HYDIN: variants seen among roughly 807,000 people sequenced by gnomAD.
The protein encoded by HYDIN is HYDIN axonemal central pair apparatus protein.
Under a neutral mutation model 403.9 loss-of-function variants are expected in HYDIN, and 132 were observed. The ratio of observed to expected loss-of-function variants is 0.33; its 90% confidence interval spans 0.28 to 0.38. The LOEUF (loss-of-function observed/expected upper bound fraction) is 0.38, where lower values mean the gene tolerates loss of function less well. HYDIN is among the 10% of genes least tolerant of loss of function. The pLI, the probability that HYDIN is intolerant of heterozygous loss-of-function variation, is 1.00. For synonymous variants in HYDIN, 1,202 were observed against 1,891.7 expected, an observed-to-expected ratio of 0.64 and a Z score of 9.46; for missense variants, 2,827 against 5,009.5, an observed-to-expected ratio of 0.56 and a Z score of 13.15.
At chr16:70,931,208 CTGTTTTTTTTTTTTT>C (rs1487710759) in intron 45 of HYDIN, among the ~76,000 whole-genome samples, 1 of 78,244 alleles carries the variant, frequency 1.3e-5, no homozygotes, top group African/African-American at 4.0e-5. Context: ...TCTCTTTCTT[CTGTTTTTTTTTTTTT>C]TTTTTTTTTT....
chr16:71,074,548 G>A (rs2082567072), intron 13 of HYDIN, among the ~76,000 whole-genome samples: 1 of 148,426 alleles, frequency 6.7e-6, no homozygotes, highest in South Asian at 2.2e-4. Flanking sequence ...GCCAGGTGTG[G>A]TGGTATGCAC....
At chr16:71,228,522 GA>G (rs2041139590) in intron 1 of HYDIN, among the ~76,000 whole-genome samples, 1 of 152,162 alleles carries the variant, frequency 6.6e-6, no homozygotes, top group African/African-American at 2.4e-5. Flanking sequence ...CTTCTCAAAA[GA>G]AGACATTTAT....
rs554144133 is a variant in HYDIN, at chr16:71,027,501, A to G, written c.3042+101T>C. The G allele has an allele frequency of 2.7e-5, 41 of 1,540,246 alleles. No individual in the cohort carries two copies. The South Asian group carries it at 4.6e-4, about 17-fold the overall frequency. On this transcript the variant is annotated intron_variant, in intron 20 of 85. Coordinates refer to ENST00000393567, the MANE Select transcript of HYDIN (RefSeq NM_001270974.2). ...TTGTACACAATCCTTGAGAAACCATATCCTTCCTCAGATAAATGTCAAGGG... is the reference window on the plus strand; with the variant it reads ...TTGTACACAATCCTTGAGAAACCATGTCCTTCCTCAGATAAATGTCAAGGG...
At chr16:71,116,444 G>A (rs11075868) in intron 9 of HYDIN, among the ~76,000 whole-genome samples, 201 of 151,046 alleles carry the variant, frequency 1.3e-3, no homozygotes, top group Non-Finnish European at 2.0e-3. Flanking sequence ...TGGACACTTC[G>A]GTTGCTTCCA....
At chr16:70,926,421 T>G in intron 45 of HYDIN, among the ~76,000 whole-genome samples, 7 of 145,564 alleles carry the variant, frequency 4.8e-5, no homozygotes, top group African/African-American at 7.7e-5. Flanking sequence ...TGAGAACACA[T>G]GGACACAGGA....
At position 70,855,192 on chromosome 16, in the gene HYDIN, A is replaced by T. The variant is rs752080404; in HGVS notation, c.12379T>A (p.Ser4127Thr). ...DFSFQDNSRY[S>T]EGFSNSLLVC... ...AGCAGGCTGTTGCTGAAACCTTCAG[A>T]ATAGCGGGAGTTGTCCTGGAAGGAA... The change falls in exon 73 of 86, where the codon TCT becomes ACT. Residue 4127 changes from serine to threonine, a missense_variant. By Grantham distance (58) the Ser-to-Thr change is moderately conservative. Transcript: ENST00000393567. The T allele has an allele frequency of 1.3e-6, 2 of 1,504,076 alleles. No individual in the cohort carries two copies. The highest frequency in any genetic ancestry group is 2.2e-5 in the South Asian group (2 of 89,518). The allele number at this position is 1,504,076 out of a possible 1,614,324, so 93.2% of individuals were successfully genotyped here.
At chr16:70,977,040 C>G (rs2078907918) in intron 30 of HYDIN, among the ~76,000 whole-genome samples, 1 of 152,214 alleles carries the variant, frequency 6.6e-6, no homozygotes, top group African/African-American at 2.4e-5. Context: ...CTGCCCTACT[C>G]AAGGGAACCA....
chr16:71,224,162 A>G (rs1324068242), intron 1 of HYDIN, among the ~76,000 whole-genome samples: 1 of 152,232 alleles, frequency 6.6e-6, no homozygotes, highest in Non-Finnish European at 1.5e-5. Context: ...ATGCAGCTGG[A>G]GGCCATTATT....
chr16:71,001,145 T>G, intron 23 of HYDIN, among the ~76,000 whole-genome samples: 1 of 109,966 alleles, frequency 9.1e-6, no homozygotes, highest in Non-Finnish European at 1.8e-5. Context: ...TGCAAGAGGA[T>G]TAAGAGAAGG....
At chr16:70,979,588 C>T (rs1774305) in intron 29 of HYDIN, among the ~76,000 whole-genome samples, 2 of 152,068 alleles carry the variant, frequency 1.3e-5, no homozygotes, top group South Asian at 2.1e-4. Context: ...CCACTACGCC[C>T]GTGCAAATTC....
intron 17 of HYDIN, among the ~76,000 whole-genome samples, chr16:71,061,642 C>T (rs898209406): frequency 6.6e-6 from 1 of 151,934 alleles, no homozygotes; most frequent in African/African-American, 2.4e-5. Context: ...AGCCATGAGT[C>T]AAGTTAATAT....
chr16:70,976,283 G>T (rs1466725064), intron 30 of HYDIN, among the ~76,000 whole-genome samples: 1 of 152,254 alleles, frequency 6.6e-6, no homozygotes. Flanking sequence ...CAATCTCTCA[G>T]CAGATTGCCT....
chr16:70,876,975 GCTAGAAA>G (rs2040483004), intron 62 of HYDIN, among the ~76,000 whole-genome samples: 1 of 144,864 alleles, frequency 6.9e-6, no homozygotes, highest in Non-Finnish European at 1.5e-5. Context: ...GACAATTTCA[GCTAGAAA>G]CTAGAAACAG....
At position 71,176,611 on chromosome 16, in the gene HYDIN, TG is replaced by T. The variant is rs2086679900; in HGVS notation, c.382-871del. On this transcript the variant is annotated intron_variant, in intron 4 of 85. Coordinates refer to ENST00000393567, the MANE Select transcript of HYDIN (RefSeq NM_001270974.2). ...AGCCAAACTCCACCCCACCTCTCCATGGGATGGTCCTGAGTAAACACCACAA... is the reference window on the plus strand; with the variant it reads ...AGCCAAACTCCACCCCACCTCTCCATGGATGGTCCTGAGTAAACACCACAA... 2.6e-5 allele frequency among the ~76,000 whole-genome samples: 4 copies of T among 152,190 alleles called. No individual in the cohort carries two copies. In the South Asian group the frequency reaches 8.3e-4, roughly 32 times the overall value.
At chr16:70,967,406 G>T (rs2078609816) in intron 36 of HYDIN, among the ~76,000 whole-genome samples, 1 of 151,942 alleles carries the variant, frequency 6.6e-6, no homozygotes, top group East Asian at 1.9e-4. Context: ...GACCTCCCAG[G>T]CTCAACTGAA....
At chr16:71,065,500 G>A (rs776107706) in intron 15 of HYDIN, among the ~76,000 whole-genome samples, 35 of 152,200 alleles carry the variant, frequency 2.3e-4, no homozygotes, top group African/African-American at 8.2e-4. Flanking sequence ...TTTATTTGCC[G>A]TCTGTGACTC....
At chr16:71,133,236 A>G (rs1413555498) in intron 8 of HYDIN, 1 of 455,024 alleles carries the variant, frequency 2.2e-6, no homozygotes, top group African/African-American at 2.0e-5. Context: ...GAGCTAGAGG[A>G]AATACTCCCA....
chr16:70,977,658 G>A (rs1027639721), intron 30 of HYDIN, among the ~76,000 whole-genome samples: 5 of 101,812 alleles, frequency 4.9e-5, no homozygotes, highest in African/African-American at 1.8e-4. Context: ...GAACAGCAGC[G>A]GGGTTGGCAG....
intron 9 of HYDIN, among the ~76,000 whole-genome samples, chr16:71,117,929 A>T (rs1289679094): frequency 1.3e-5 from 2 of 151,458 alleles, no homozygotes; most frequent in Non-Finnish European, 1.5e-5. Context: ...CTTAAGGGGG[A>T]GCAGAGAGGG....
Sources: allele counts gnomAD v4.1 joint callset (sites outside exome capture counted in the v4.1 genomes callset), GRCh38; gene constraint gnomAD v4.1.1; transcripts MANE v1.5; gene names NCBI Gene and HGNC (gene_info 2026-07-23, HGNC 2026-07-21).